The following CDC73 variants were observed in gnomAD, a reference collection of about 807,000 sequenced individuals.
CDC73 encodes parafibromin.
CDC73 carries 21 observed loss-of-function variants against 83.7 expected under a neutral mutation model. That is an observed-to-expected ratio of 0.25 (90% CI 0.18 to 0.36). CDC73 has a LOEUF of 0.36. CDC73 is among the 10% of genes least tolerant of loss of function. The pLI is 1.00. For synonymous variants in CDC73, 224 were observed against 212.9 expected, an observed-to-expected ratio of 1.05 and a Z score of -0.45; for missense variants, 342 against 653.3, an observed-to-expected ratio of 0.52 and a Z score of 5.19.
intron 9 of CDC73, 120 bp from the exon 10 acceptor site, chr1:193,152,260 T>G (rs766130996): frequency 8.6e-6 from 6 of 696,498 alleles, no homozygotes; most frequent in Non-Finnish European, 1.5e-5. Flanking sequence ...CATAGTAGAT[T>G]CAAGGCTTTG....
intron 5 of CDC73, 47 bp from the exon 6 acceptor site, chr1:193,138,036 TAA>T: frequency 7.1e-7 from 1 of 1,401,314 alleles, no homozygotes; most frequent in Non-Finnish European, 1.0e-6. Context: ...TTTTTCTTCC[TAA>T]AAGTTCAATA....
intron 10 of CDC73, among the ~76,000 whole-genome samples, chr1:193,200,092 C>G (rs1677066912): frequency 6.6e-6 from 1 of 150,498 alleles, no homozygotes; most frequent in Non-Finnish European, 1.5e-5. Flanking sequence ...AAAACAAAAA[C>G]TAGCCTGGCA....
chr1:193,139,360 G>A lies in CDC73; in HGVS notation c.512+1187G>A, dbSNP rs564263750. 5.3e-5 allele frequency among the ~76,000 whole-genome samples: 8 copies of A among 151,164 alleles called. No individual in the cohort carries two copies. The South Asian group carries it at 1.5e-3, about 28-fold the overall frequency. On this transcript the variant is annotated intron_variant, in intron 6 of 16. Coordinates refer to ENST00000367435, the MANE Select transcript of CDC73 (RefSeq NM_024529.5). ...CGGCTCACTGCAACCTCTGCCTCCC[G>A]GGTTCAAGTGATTCTCCTGCCTCAG...
Position 193,251,917 on chromosome 1 carries a change from T to G in CDC73, c.*1205T>G. ...GTGTTTTTGCCATTGGAATTTTTGC[T>G]GATCACAGTCTTATGTCATTTTTTT... On this transcript the variant is annotated 3_prime_UTR_variant, in exon 17 of 17. Transcript: ENST00000367435. 4.3e-6 allele frequency: 1 copy of G among 231,636 alleles called. No individual in the cohort carries two copies. The highest frequency in any genetic ancestry group is 8.5e-6 in the Non-Finnish European group (1 of 117,014). The allele number at this position is 231,636 out of a possible 1,614,324, so 14.3% of individuals were successfully genotyped here. A position where few individuals can be genotyped will look rare whatever the true frequency, so the allele number is the denominator to read the frequency against.
intron 10 of CDC73, chr1:193,181,649 C>T: frequency 8.1e-7 from 1 of 1,227,360 alleles, no homozygotes; most frequent in Non-Finnish European, 1.1e-6. Flanking sequence ...CAATCATTTT[C>T]TAATTCAGTC....
chr1:193,203,453 T>C (rs1040670105), intron 10 of CDC73, among the ~76,000 whole-genome samples: 2 of 152,216 alleles, frequency 1.3e-5, no homozygotes, highest in African/African-American at 4.8e-5. Context: ...GACTTGATTT[T>C]AGAACAGGCA....
chr1:193,216,303 T>G (rs779884179), intron 13 of CDC73, among the ~76,000 whole-genome samples: 8 of 152,094 alleles, frequency 5.3e-5, no homozygotes, highest in Admixed American at 3.3e-4. Flanking sequence ...CCTCAGAGAC[T>G]ATGAACACCC....
intron 6 of CDC73, among the ~76,000 whole-genome samples, chr1:193,141,321 G>GATAT (rs1273778700): frequency 6.6e-6 from 1 of 152,104 alleles, no homozygotes; most frequent in South Asian, 2.1e-4. Flanking sequence ...AAAGAAAACT[G>GATAT]TATAAAATAT....
intron 8 of CDC73, 108 bp downstream of exon 8, chr1:193,148,073 C>T (rs1042829810): frequency 1.2e-5 from 9 of 775,068 alleles, no homozygotes; most frequent in Non-Finnish European, 2.1e-5. Context: ...GGATTCTAAA[C>T]CTTTTGCTCC....
At chr1:193,222,707 T>C (rs1677493340) in intron 13 of CDC73, among the ~76,000 whole-genome samples, 7 of 152,154 alleles carry the variant, frequency 4.6e-5, no homozygotes. Context: ...TATTGGTGTT[T>C]TTCATCAGTT....
chr1:193,223,593 TAACCC>T (rs1677510015), intron 13 of CDC73, among the ~76,000 whole-genome samples: 1 of 152,146 alleles, frequency 6.6e-6, no homozygotes, highest in Admixed American at 6.6e-5. Context: ...ATGTTGAACT[TAACCC>T]CTGAGTCTCA....
chr1:193,173,746 A>G (rs1463857528), intron 10 of CDC73, among the ~76,000 whole-genome samples: 1 of 152,214 alleles, frequency 6.6e-6, no homozygotes, highest in Non-Finnish European at 1.5e-5. Context: ...AAGAAAATAC[A>G]TAAGATAAAA....
intron 13 of CDC73, among the ~76,000 whole-genome samples, chr1:193,219,965 C>A (rs1230141223): frequency 6.6e-6 from 1 of 152,068 alleles, no homozygotes; most frequent in African/African-American, 2.4e-5. Context: ...AAAGCAAAGT[C>A]TTCTACAAGA....
chr1:193,178,123 C>T (rs1005007926), intron 10 of CDC73, among the ~76,000 whole-genome samples: 1 of 151,954 alleles, frequency 6.6e-6, no homozygotes, highest in Non-Finnish European at 1.5e-5. Flanking sequence ...CTTAAGAAAA[C>T]GACTTGAGTA....
At chr1:193,168,680 T>G (rs923140470) in intron 10 of CDC73, among the ~76,000 whole-genome samples, 5 of 151,920 alleles carry the variant, frequency 3.3e-5, no homozygotes, top group Admixed American at 6.6e-5. Flanking sequence ...CCTGCCACCA[T>G]GGCTGGCTAA....
chr1:193,220,611 A>G (rs1043522856), intron 13 of CDC73, among the ~76,000 whole-genome samples: 2 of 152,228 alleles, frequency 1.3e-5, no homozygotes, highest in African/African-American at 4.8e-5. Context: ...TTCTTTACAA[A>G]ATCTAGGTAT....
chr1:193,209,599 A>G (rs1677243622), intron 11 of CDC73, among the ~76,000 whole-genome samples: 2 of 152,212 alleles, frequency 1.3e-5, no homozygotes, highest in Admixed American at 6.5e-5. Flanking sequence ...TCTCATTGAC[A>G]TGTTCATCAC....
chr1:193,245,405 TTAACATA>T (rs1399201504), intron 15 of CDC73, among the ~76,000 whole-genome samples: 4 of 152,218 alleles, frequency 2.6e-5, no homozygotes, highest in Non-Finnish European at 5.9e-5. Flanking sequence ...CTTGTTTCAC[TTAACATA>T]ATGTCCTCCA....
chr1:193,214,061 T>C (rs1334770717), intron 13 of CDC73, among the ~76,000 whole-genome samples: 1 of 152,210 alleles, frequency 6.6e-6, no homozygotes, highest in Non-Finnish European at 1.5e-5. Flanking sequence ...CTTTTGTTGA[T>C]CATGTGACTC....
Sources: allele counts gnomAD v4.1 joint callset (sites outside exome capture counted in the v4.1 genomes callset), GRCh38; gene constraint gnomAD v4.1.1; transcripts MANE v1.5; gene names NCBI Gene and HGNC (gene_info 2026-07-23, HGNC 2026-07-21).